HOXD11: variants seen among roughly 807,000 people sequenced by gnomAD.
HOXD11 encodes the protein homeobox D11.
Under a neutral mutation model 23.1 loss-of-function variants are expected in HOXD11, and 16 were observed. That is an observed-to-expected ratio of 0.69 (90% CI 0.47 to 1.05). HOXD11 has a LOEUF of 1.05. Among genes scored for constraint, HOXD11 ranks in the 50% least tolerant of loss-of-function variants. The pLI, the probability that HOXD11 is intolerant of heterozygous loss-of-function variation, is 0.00. For missense variants in HOXD11, 564 were observed against 495.6 expected (o/e 1.14, Z -1.31); for synonymous variants, 262 against 224.4 (o/e 1.17, Z -1.50).
chr2:176,115,457 C>G, the HOXD11 span, among the ~76,000 whole-genome samples: 7 of 152,300 alleles, frequency 4.6e-5, no homozygotes, highest in African/African-American at 7.2e-5. Flanking sequence ...ATAAAGCGAA[C>G]GCCATTATGG....
At chr2:176,115,646 T>C in the HOXD11 span, among the ~76,000 whole-genome samples, 1 of 152,240 alleles carries the variant, frequency 6.6e-6, no homozygotes, top group Non-Finnish European at 1.5e-5. Flanking sequence ...CTTCTTAATA[T>C]GTATTAATAA....
the HOXD11 span, among the ~76,000 whole-genome samples, chr2:176,115,187 C>G: frequency 6.6e-6 from 1 of 152,040 alleles, no homozygotes; most frequent in African/African-American, 2.4e-5. Flanking sequence ...TTTAATGAGC[C>G]GGACCACAAC....
downstream of HOXD11, among the ~76,000 whole-genome samples, chr2:176,114,530 C>T (rs1411476843): frequency 6.6e-6 from 1 of 151,976 alleles, no homozygotes; most frequent in Non-Finnish European, 1.5e-5. Flanking sequence ...ATTGCCACCG[C>T]GGAGTTTTTT....
downstream of HOXD11, among the ~76,000 whole-genome samples, chr2:176,110,937 CG>C (rs1178421508): frequency 6.6e-6 from 1 of 152,152 alleles, no homozygotes; most frequent in Non-Finnish European, 1.5e-5. Flanking sequence ...AGAATTCTGG[CG>C]GGGGGTCTTA....
At position 176,108,016 on chromosome 2, in the gene HOXD11, G is replaced by T. The variant is rs771107863; in HGVS notation, c.661G>T (p.Gly221Trp). The change falls in exon 1 of 2, where the codon GGG (glycine) becomes TGG (tryptophan). Residue 221 changes from glycine to tryptophan, a missense_variant. By Grantham distance (184) the Gly-to-Trp change is radical. Transcript: ENST00000249504. ...CCCCAGGACCGGGGCTGGTGGCGGC[G>T]GGGGCAGTCCCTGCACCAAGGCGAC... Reference protein sequence around the residue: ...GDPRTGAGGGGGSPCTKATPG... With the variant: ...GDPRTGAGGGWGSPCTKATPG... The T allele has an allele frequency of 7.3e-5, 109 of 1,484,836 alleles. No homozygotes were observed. The highest frequency in any genetic ancestry group is 2.3e-4 in the Middle Eastern group (1 of 4,256). The allele number at this position is 1,484,836 out of a possible 1,614,324, so 92.0% of individuals were successfully genotyped here.
intron 1 of HOXD11, 59 bp downstream of exon 1, chr2:176,108,195 G>GGGGGGGGCCC: frequency 8.0e-6 from 2 of 249,470 alleles, no homozygotes; most frequent in Non-Finnish European, 1.4e-5. Flanking sequence ...GGGGGGGGGG[G>GGGGGGGGCCC]CGGAGGCCTC....
At position 176,107,607 on chromosome 2, in the gene HOXD11, GGGGGGCGGCAGCAGC is replaced by G. The variant is rs1317655734; in HGVS notation, c.262_276del (p.Ser88_Gly92del). On this transcript the variant is annotated inframe_deletion, in exon 1 of 2. Coordinates refer to ENST00000249504, the MANE Select transcript of HOXD11 (RefSeq NM_021192.3). Reference sequence around the variant, plus strand: ...GCGGCGGCGGCGGCGGCGGCAGCGCGGGGGGCGGCAGCAGCGGGGGCGGCCCCGGCGGGGGCGGCG... The same window carrying G: ...GCGGCGGCGGCGGCGGCGGCAGCGCGGGGGGCGGCCCCGGCGGGGGCGGCG... The G allele has an allele frequency of 1.6e-6, 2 of 1,248,012 alleles. No individual in the cohort carries two copies. Among genetic ancestry groups the G allele is most frequent in the Non-Finnish European group, 2.0e-6 (2 of 983,710 alleles). The allele number at this position is 1,248,012 out of a possible 1,614,324, so 77.3% of individuals were successfully genotyped here. A position where few individuals can be genotyped will look rare whatever the true frequency, so the allele number is the denominator to read the frequency against.
downstream of HOXD11, among the ~76,000 whole-genome samples, chr2:176,113,036 T>TCCGG (rs1689699366): frequency 6.6e-6 from 1 of 152,214 alleles, no homozygotes; most frequent in African/African-American, 2.4e-5. Flanking sequence ...AAGGAGGTTC[T>TCCGG]CCGGCCGCCG....
downstream of HOXD11, among the ~76,000 whole-genome samples, chr2:176,110,387 G>A (rs566043167): frequency 7.9e-5 from 12 of 152,268 alleles, no homozygotes; most frequent in Admixed American, 6.5e-4. Context: ...AGAGATTTCC[G>A]CAATGTGCAA....
intron 1 of HOXD11, chr2:176,108,681 GT>G: frequency 1.7e-6 from 1 of 573,350 alleles, no homozygotes; most frequent in Non-Finnish European, 3.1e-6. Flanking sequence ...GTGTGTGTGT[GT>G]GTGTGTGTGT....
At chr2:176,108,786 G>C in intron 1 of HOXD11, 121 bp from the exon 2 acceptor site, 1 of 659,814 alleles carries the variant, frequency 1.5e-6, no homozygotes, top group Non-Finnish European at 2.6e-6. Flanking sequence ...CCTTTCGGCC[G>C]CGGCAGAGAA....
At position 176,109,122 on chromosome 2, in the gene HOXD11, AC is replaced by A. The variant is rs1689639475; in HGVS notation, c.998del (p.Thr333MetfsTer37). 1 of 1,612,444 alleles carries A rather than the reference AC, an allele frequency of 6.2e-7. No homozygotes were observed. The highest frequency in any genetic ancestry group is 8.5e-7 in the Non-Finnish European group (1 of 1,178,540). On this transcript the variant is annotated frameshift_variant, in exon 2 of 2. Coordinates refer to ENST00000249504, the MANE Select transcript of HOXD11 (RefSeq NM_021192.3). LOFTEE classifies it high-confidence loss of function. ...GAACAGAGACCGTCTGCAGTATTTCACTGGAAACCCCTTATTTTGAGAGCTC... is the reference window on the plus strand; with the variant it reads ...GAACAGAGACCGTCTGCAGTATTTCATGGAAACCCCTTATTTTGAGAGCTC... ...KLNRDRLQYF[T>X]GNPLF
At position 176,107,343 on chromosome 2, in the gene HOXD11, A is replaced by T. The variant is rs756352492; in HGVS notation, c.-13A>T. 6.4e-7 allele frequency: 1 copy of T among 1,564,554 alleles called. No homozygotes were observed. Among genetic ancestry groups the T allele is most frequent in the South Asian group, 1.2e-5 (1 of 85,346 alleles). ...AGCGGCCAGAGGCTCGCTGGCGCGC[A>T]CGCCGCGGAGTCATGAACGACTTTG... On this transcript the variant is annotated 5_prime_UTR_variant, in exon 1 of 2. Coordinates refer to ENST00000249504, the MANE Select transcript of HOXD11 (RefSeq NM_021192.3).
downstream of HOXD11, among the ~76,000 whole-genome samples, chr2:176,110,617 C>T (rs577906552): frequency 6.6e-6 from 1 of 152,308 alleles, no homozygotes; most frequent in South Asian, 2.1e-4. Context: ...CTTTGAACTT[C>T]CAAAATGTCA....
chr2:176,112,950 A>G (rs1689697771), downstream of HOXD11, among the ~76,000 whole-genome samples: 1 of 152,178 alleles, frequency 6.6e-6, no homozygotes, highest in Non-Finnish European at 1.5e-5. Flanking sequence ...GTGGCCTTGG[A>G]TCCTAAGGCG....
downstream of HOXD11, among the ~76,000 whole-genome samples, chr2:176,114,380 G>A (rs541953120): frequency 6.6e-6 from 1 of 152,264 alleles, no homozygotes; most frequent in Admixed American, 6.5e-5. Flanking sequence ...CTCGAAAACA[G>A]CCACCCCTGT....
downstream of HOXD11, among the ~76,000 whole-genome samples, chr2:176,110,663 G>A (rs759590322): frequency 2.6e-5 from 4 of 152,098 alleles, no homozygotes; most frequent in Admixed American, 1.3e-4. Context: ...ATAATTAGGC[G>A]CCTTAAGTTC....
In HOXD11 at chr2:176,107,711, CGGCCGAGGA is replaced by C; in HGVS notation, c.360_368del (p.Glu121_Ala123del). The C allele has an allele frequency of 1.8e-6, 2 of 1,082,082 alleles. No homozygotes were observed. Among genetic ancestry groups the C allele is most frequent in the Non-Finnish European group, 2.2e-6 (2 of 895,864 alleles). 67.0% of individuals were successfully genotyped at this position (1,082,082 alleles called of 1,614,324 possible). ...GCGGCGGCGGCTGCGGCGGCCGCGG[CGGCCGAGGA>C]GGCGGCCATGCAACGCGAGCTTCTC... is the stretch of plus-strand genomic sequence containing the variant. On this transcript the variant is annotated inframe_deletion, in exon 1 of 2. Coordinates refer to ENST00000249504, the MANE Select transcript of HOXD11 (RefSeq NM_021192.3).
intron 1 of HOXD11, among the ~76,000 whole-genome samples, chr2:176,108,574 C>T (rs886725101): frequency 1.3e-5 from 2 of 151,994 alleles, no homozygotes; most frequent in Admixed American, 6.5e-5. Context: ...GCAGATGCCC[C>T]GGCGGGCCTG....
Sources: gnomAD v4.1 joint callset for allele counts (sites outside exome capture counted in the v4.1 genomes callset) on GRCh38, gnomAD v4.1.1 for gene constraint, MANE v1.5 for transcripts, NCBI Gene and HGNC (gene_info 2026-07-23, HGNC 2026-07-21) for gene names.